The following NAV1 variants were observed in gnomAD, a reference collection of about 807,000 sequenced individuals.
NAV1 encodes neuron navigator 1.
In NAV1, 18 loss-of-function variants were observed where a neutral mutation model predicts 175.2. That is an observed-to-expected ratio of 0.10 (90% CI 0.07 to 0.15). The LOEUF (loss-of-function observed/expected upper bound fraction) is 0.15. Ranked by LOEUF, NAV1 falls within the 10% of genes least tolerant of loss-of-function variation. The pLI is 1.00. For synonymous variants in NAV1, 897 were observed against 978.7 expected (o/e 0.92, Z 1.56); for missense variants, 1,731 against 2,436.6 (o/e 0.71, Z 6.10).
At chr1:201,806,529 T>TACAC (rs149753283) in intron 17 of NAV1, among the ~76,000 whole-genome samples, 1 of 151,614 alleles carries the variant, frequency 6.6e-6, no homozygotes, top group Non-Finnish European at 1.5e-5. Flanking sequence ...AGGATCTCTT[T>TACAC]ACACACACAC....
chr1:201,559,979 G>C (rs1213255462), intron 1 of NAV1, among the ~76,000 whole-genome samples: 1 of 152,206 alleles, frequency 6.6e-6, no homozygotes, highest in Non-Finnish European at 1.5e-5. Flanking sequence ...AGAAAGTTGG[G>C]GTGAGAGGCT....
At chr1:201,541,670 A>G (rs1665519045) in intron 1 of NAV1, among the ~76,000 whole-genome samples, 1 of 152,178 alleles carries the variant, frequency 6.6e-6, no homozygotes, top group African/African-American at 2.4e-5. Context: ...GCTACTCGTG[A>G]GGCTGAGACA....
At chr1:201,662,201 C>T (rs1272828222) in intron 1 of NAV1, among the ~76,000 whole-genome samples, 1 of 152,248 alleles carries the variant, frequency 6.6e-6, no homozygotes, top group Non-Finnish European at 1.5e-5. Context: ...TTATTCTAAA[C>T]AGGGTGGACC....
At chr1:201,772,711 C>G (rs919307505) in intron 3 of NAV1, among the ~76,000 whole-genome samples, 1 of 152,150 alleles carries the variant, frequency 6.6e-6, no homozygotes, top group Admixed American at 6.6e-5. Flanking sequence ...TTTGAATGCC[C>G]ATAGCAACTG....
At chr1:201,552,038 G>A (rs1010637099) in intron 1 of NAV1, among the ~76,000 whole-genome samples, 7 of 152,206 alleles carry the variant, frequency 4.6e-5, no homozygotes, top group African/African-American at 1.2e-4. Flanking sequence ...ATCAGGGGCC[G>A]TAGGGAGGCC....
intron 3 of NAV1, among the ~76,000 whole-genome samples, chr1:201,756,230 G>GA (rs1413395997): frequency 6.6e-6 from 1 of 151,950 alleles, no homozygotes; most frequent in East Asian, 1.9e-4. Context: ...GAAAATTGGG[G>GA]AAAAAAATAA....
chr1:201,774,493 CA>C (rs532910247), intron 3 of NAV1, among the ~76,000 whole-genome samples: 3 of 151,830 alleles, frequency 2.0e-5, no homozygotes, highest in African/African-American at 7.3e-5. Flanking sequence ...CTTGAGTCTT[CA>C]AAAAAAATCA....
At chr1:201,654,038 A>G (rs1030753000) in intron 1 of NAV1, among the ~76,000 whole-genome samples, 2 of 152,242 alleles carry the variant, frequency 1.3e-5, no homozygotes, top group African/African-American at 2.4e-5. Context: ...TGCTGCAGTC[A>G]AAAGCTGTTG....
In NAV1 at chr1:201,782,323, C is replaced by T. The variant is rs776976586; in HGVS notation, c.1811C>T (p.Ser604Phe). ...ATTGCTCGCCCCTCCACTTCGGGAT[C>T]CTTTGGCTACAAGAAGCCTCCTCCT... is the stretch of plus-strand genomic sequence containing the variant. Residue 604 changes from serine (S) to phenylalanine (F), a missense_variant, in exon 6 of 30, where the codon TCC becomes TTC. This residue lies in a region of NAV1 where 634 missense variants were observed against 766.8 expected (regional missense o/e 0.83). Transcript: ENST00000367296. The surrounding 1 kb of genome is among the most constrained non-coding windows in gnomAD (Gnocchi z 5.4). 6.2e-7 allele frequency: 1 copy of T among 1,614,208 alleles called. No homozygotes were observed. The highest frequency in any genetic ancestry group is 1.1e-5 in the South Asian group (1 of 91,086).
rs561359876 is a variant in NAV1, at chr1:201,662,283, G to A, written c.757+12858G>A. Among the ~76,000 whole-genome samples the A allele has an allele frequency of 2.3e-3, 349 of 152,376 alleles. 1 individual carries two copies. Among genetic ancestry groups the A allele is most frequent in the Non-Finnish European group, 4.0e-3 (272 of 68,028 alleles). On this transcript the variant is annotated intron_variant, in intron 1 of 29. Transcript: ENST00000367296. ...CTAGAACATCCCTGGACCCACTTGGGTACCTGCCGCAGGCTGAGGACAGTT... is the reference window on the plus strand; with the variant it reads ...CTAGAACATCCCTGGACCCACTTGGATACCTGCCGCAGGCTGAGGACAGTT...
rs564996623 is a variant in NAV1 at position 201,623,837 on chromosome 1, G to C, written c.-101+231G>C. ...GCTGACTGAAGCTCTGATCTTTCTC[G>C]ACTGTGGGGAATCCACAACAAAAAG... is the stretch of plus-strand genomic sequence containing the variant. On this transcript the variant is annotated intron_variant, in intron 1 of 29. Coordinates refer to the NAV1 transcript ENST00000367302. Among the ~76,000 whole-genome samples, 8 of 152,302 alleles carry C rather than the reference G, an allele frequency of 5.3e-5. No homozygotes were observed. In the South Asian group the frequency reaches 1.7e-3, roughly 32 times the overall value.
At chr1:201,795,743 T>G (rs1677403885) in intron 15 of NAV1, 1 of 151,594 alleles carries the variant, frequency 6.6e-6, no homozygotes, top group Non-Finnish European at 1.5e-5. Flanking sequence ...TTAGTACTTA[T>G]TTTCCTTTTT....
chr1:201,785,483 C>A, intron 8 of NAV1, 132 bp downstream of exon 12: 1 of 924,820 alleles, frequency 1.1e-6, no homozygotes, highest in Non-Finnish European at 1.7e-6. Flanking sequence ...TGTATGTGGT[C>A]CCATACAAGT....
chr1:201,654,995 T>G (rs1451419726), intron 1 of NAV1, among the ~76,000 whole-genome samples: 3 of 152,196 alleles, frequency 2.0e-5, no homozygotes, highest in Non-Finnish European at 2.9e-5. Flanking sequence ...AGGATCCCCT[T>G]TCTTATATTT....
chr1:201,782,329 G>A lies in NAV1; in HGVS notation c.1817G>A (p.Gly606Asp). 6.2e-7 allele frequency: 1 copy of A among 1,614,176 alleles called. No individual in the cohort carries two copies. Among genetic ancestry groups the A allele is most frequent in the Non-Finnish European group, 8.5e-7 (1 of 1,180,038 alleles). ...CGCCCCTCCACTTCGGGATCCTTTG[G>A]CTACAAGAAGCCTCCTCCTGCCACA... The change falls in exon 6 of 30, where the codon GGC becomes GAC. Residue 606 changes from glycine to aspartate, a missense_variant. Transcript: ENST00000367296. The surrounding 1 kb of genome is among the most constrained non-coding windows in gnomAD (Gnocchi z 5.4).
intron 1 of NAV1, among the ~76,000 whole-genome samples, chr1:201,554,017 C>T (rs1431458927): frequency 6.6e-6 from 1 of 152,178 alleles, no homozygotes; most frequent in Non-Finnish European, 1.5e-5. Flanking sequence ...GTGTCACCTT[C>T]TTTGTTCCCA....
chr1:201,754,858 A>G (rs1260770493), intron 3 of NAV1, among the ~76,000 whole-genome samples: 1 of 152,246 alleles, frequency 6.6e-6, no homozygotes, highest in Non-Finnish European at 1.5e-5. Context: ...TTCATTCAAT[A>G]TGTACAATGG....
At chr1:201,818,545 GAT>G (rs1180396503) in intron 29 of NAV1, among the ~76,000 whole-genome samples, 1 of 144,710 alleles carries the variant, frequency 6.9e-6, no homozygotes, top group Non-Finnish European at 1.5e-5. Context: ...AAAAAAAAAA[GAT>G]ATGAGTAGAC....
At chr1:201,717,568 C>T (rs1672187378) in intron 2 of NAV1, among the ~76,000 whole-genome samples, 1 of 152,248 alleles carries the variant, frequency 6.6e-6, no homozygotes. Context: ...CTCACCTGGG[C>T]ATTGCTCCCT....
Sources: allele counts gnomAD v4.1 joint callset (sites outside exome capture counted in the v4.1 genomes callset), GRCh38; gene constraint gnomAD v4.1.1; regional missense constraint gnomAD v4.1.1; non-coding constraint Gnocchi (gnomAD v3.1); transcripts MANE v1.5; gene names NCBI Gene and HGNC (gene_info 2026-07-23, HGNC 2026-07-21).